CNTN5: variants seen among roughly 807,000 people sequenced by gnomAD.
CNTN5 encodes contactin 5.
Under a neutral mutation model 129.1 loss-of-function variants are expected in CNTN5, and 77 were observed. The ratio of observed to expected loss-of-function variants is 0.60; its 90% CI spans 0.50 to 0.72. CNTN5 has a LOEUF of 0.72. Among genes scored for constraint, CNTN5 ranks in the 30% least tolerant of loss-of-function variants. The pLI, the probability that CNTN5 is intolerant of heterozygous loss-of-function variation, is 0.00. For missense variants in CNTN5, 1,478 were observed against 1,328.8 expected (o/e 1.11, Z -1.75); for synonymous variants, 509 against 465.6 (o/e 1.09, Z -1.20).
At chr11:99,267,933 C>CAT (rs1862984624) in intron 1 of CNTN5, among the ~76,000 whole-genome samples, 2 of 146,778 alleles carry the variant, frequency 1.4e-5, no homozygotes, top group African/African-American at 5.1e-5. Flanking sequence ...CACACACACA[C>CAT]ACACACACAC....
intron 1 of CNTN5, among the ~76,000 whole-genome samples, chr11:99,322,339 G>C (rs1226187625): frequency 1.3e-5 from 2 of 152,136 alleles, no homozygotes; most frequent in African/African-American, 4.8e-5. Flanking sequence ...GTATCACTTA[G>C]TGTTGGGCAA....
intron 2 of CNTN5, among the ~76,000 whole-genome samples, chr11:99,335,630 T>C (rs920421943): frequency 6.6e-6 from 1 of 152,066 alleles, no homozygotes; most frequent in African/African-American, 2.4e-5. Context: ...TTCTTGTATA[T>C]CTTCCCTCTG....
intron 20 of CNTN5, among the ~76,000 whole-genome samples, chr11:100,300,544 AATT>A (rs1225911231): frequency 6.6e-6 from 1 of 151,570 alleles, no homozygotes; most frequent in Non-Finnish European, 1.5e-5. Context: ...ATTCATAATT[AATT>A]ATTATATCCC....
At chr11:99,355,400 T>C (rs1429753269) in intron 2 of CNTN5, among the ~76,000 whole-genome samples, 2 of 152,164 alleles carry the variant, frequency 1.3e-5, no homozygotes, top group African/African-American at 4.8e-5. Flanking sequence ...CTAAGAAATC[T>C]CTCTGGGACC....
intron 3 of CNTN5, among the ~76,000 whole-genome samples, chr11:99,707,403 A>G (rs1591509701): frequency 6.6e-6 from 1 of 151,708 alleles, no homozygotes; most frequent in South Asian, 2.1e-4. Flanking sequence ...TCCCCATTTG[A>G]TTATCTAAAT....
chr11:99,452,818 G>A (rs1271604758), intron 2 of CNTN5, among the ~76,000 whole-genome samples: 1 of 152,082 alleles, frequency 6.6e-6, no homozygotes, highest in African/African-American at 2.4e-5. Context: ...TAAAAAGACT[G>A]GGTCAAAATC....
chr11:99,474,207 A>AT (rs5793991), intron 2 of CNTN5, among the ~76,000 whole-genome samples: 30,405 of 151,828 alleles, frequency 0.2, 3,398 homozygotes, highest in Middle Eastern at 0.34. Context: ...AGTTCTAGGG[A>AT]TTTTTTAATA....
intron 3 of CNTN5, among the ~76,000 whole-genome samples, chr11:99,560,950 AC>A (rs1482492087): frequency 5.3e-5 from 8 of 152,124 alleles, no homozygotes; most frequent in Non-Finnish European, 8.8e-5. Flanking sequence ...ATATACTAAT[AC>A]CTATTTCATT....
chr11:99,174,082 A>T (rs1857660598), intron 1 of CNTN5, among the ~76,000 whole-genome samples: 1 of 152,058 alleles, frequency 6.6e-6, no homozygotes, highest in Non-Finnish European at 1.5e-5. Flanking sequence ...CACTGCAATC[A>T]CCGCCTCCCA....
At chr11:99,793,881 C>T in intron 3 of CNTN5, among the ~76,000 whole-genome samples, 1 of 152,114 alleles carries the variant, frequency 6.6e-6, no homozygotes, top group African/African-American at 2.4e-5. Context: ...GAGAAGAATA[C>T]ATAATCTATT....
At chr11:100,105,713 A>T (rs1945404472) in intron 13 of CNTN5, among the ~76,000 whole-genome samples, 1 of 151,984 alleles carries the variant, frequency 6.6e-6, no homozygotes, top group South Asian at 2.1e-4. Context: ...CCAAGGTCTC[A>T]TCGTTTCAGA....
chr11:99,560,419 G>C (rs1948804797), intron 3 of CNTN5, among the ~76,000 whole-genome samples: 1 of 151,852 alleles, frequency 6.6e-6, no homozygotes, highest in South Asian at 2.1e-4. Flanking sequence ...AGACTCCCGA[G>C]TAGCTGGGAT....
rs571385825 is a variant in CNTN5 at position 100,232,748 on chromosome 11, T to C, written c.2005+7936T>C. On this transcript the variant is annotated intron_variant, in intron 16 of 24. Coordinates refer to ENST00000524871, the MANE Select transcript of CNTN5 (RefSeq NM_014361.4). ...TAGCTAAACATGAACAACTTTATTT[T>C]AGGGAAAAACACATCTTTTTACAGC... 4.6e-5 allele frequency among the ~76,000 whole-genome samples: 7 copies of C among 152,268 alleles called. No homozygotes were observed. In the South Asian group the frequency reaches 1.5e-3, roughly 32 times the overall value.
intron 6 of CNTN5, among the ~76,000 whole-genome samples, chr11:99,879,735 A>G (rs1948723959): frequency 6.6e-6 from 1 of 152,162 alleles, no homozygotes; most frequent in Non-Finnish European, 1.5e-5. Flanking sequence ...AATGCTTACG[A>G]CAACTTTTAC....
chr11:100,195,644 T>G (rs1180836629), intron 15 of CNTN5, among the ~76,000 whole-genome samples: 1 of 151,964 alleles, frequency 6.6e-6, no homozygotes, highest in Non-Finnish European at 1.5e-5. Flanking sequence ...GAAAAACATT[T>G]AGCTTTAAGG....
intron 1 of CNTN5, among the ~76,000 whole-genome samples, chr11:99,146,619 A>G (rs933050731): frequency 6.6e-6 from 1 of 152,226 alleles, no homozygotes; most frequent in Admixed American, 6.5e-5. Flanking sequence ...GAACATTTTC[A>G]GGGGAAAAAT....
rs1565679743 is a variant in CNTN5, at chr11:99,921,510, A to G, written c.673+5361A>G. Reference sequence around the variant, plus strand: ...TTCCTCTTTTGATTTCTACTCCACAATTCGTTTCTCCATCTTTGCTTTATT... The same window carrying G: ...TTCCTCTTTTGATTTCTACTCCACAGTTCGTTTCTCCATCTTTGCTTTATT... On this transcript the variant is annotated intron_variant, in intron 7 of 24. Transcript: ENST00000524871. Among the ~76,000 whole-genome samples, 4 of 152,050 alleles carry G rather than the reference A, an allele frequency of 2.6e-5. No individual in the cohort carries two copies. In the South Asian group the frequency reaches 8.3e-4, roughly 32 times the overall value.
At chr11:99,541,956 C>CAAAAAAAAAAAAAAA (rs56363127) in intron 2 of CNTN5, among the ~76,000 whole-genome samples, 12 of 68,860 alleles carry the variant, frequency 1.7e-4, no homozygotes, top group South Asian at 6.4e-4. Flanking sequence ...GATCTTGTCT[C>CAAAAAAAAAAAAAAA]AAAAAAAAAA....
At chr11:100,129,772 A>G (rs1462573653) in intron 13 of CNTN5, among the ~76,000 whole-genome samples, 1 of 152,130 alleles carries the variant, frequency 6.6e-6, no homozygotes, top group Non-Finnish European at 1.5e-5. Context: ...CTCTTTTCTC[A>G]TAATCACATG....
Sources: allele counts gnomAD v4.1 joint callset (sites outside exome capture counted in the v4.1 genomes callset), GRCh38; gene constraint gnomAD v4.1.1; transcripts MANE v1.5; gene names NCBI Gene and HGNC (gene_info 2026-07-23, HGNC 2026-07-21).